Variants in GDPD5 observed in about 807,000 individuals in gnomAD.
The protein encoded by GDPD5 is glycerophosphodiester phosphodiesterase 2.
A neutral mutation model predicts 75.1 loss-of-function variants in GDPD5; 48 were observed. That is an observed-to-expected ratio of 0.64 (90% CI 0.51 to 0.81). The LOEUF (loss-of-function observed/expected upper bound fraction) is 0.81. Among genes scored for constraint, GDPD5 ranks in the 40% least tolerant of loss-of-function variants. The pLI is 0.00. For missense variants in GDPD5, 706 were observed against 822.6 expected, an observed-to-expected ratio of 0.86 and a Z score of 1.73; for synonymous variants, 336 against 339.0, an observed-to-expected ratio of 0.99 and a Z score of 0.10.
chr11:75,493,058 T>C (rs1165496715), intron 1 of GDPD5, among the ~76,000 whole-genome samples: 1 of 152,106 alleles, frequency 6.6e-6, no homozygotes, highest in Admixed American at 6.5e-5. Context: ...AATGAACAAA[T>C]GCACATGAGT....
At chr11:75,483,707 T>C (rs146727725) in intron 2 of GDPD5, among the ~76,000 whole-genome samples, 102 of 152,248 alleles carry the variant, frequency 6.7e-4, no homozygotes, top group African/African-American at 2.3e-3. Context: ...GGCAACAACA[T>C]GAATCTTGAA....
At chr11:75,445,929 T>C (rs1408774403) in intron 9 of GDPD5, among the ~76,000 whole-genome samples, 1 of 152,210 alleles carries the variant, frequency 6.6e-6, no homozygotes, top group African/African-American at 2.4e-5. Context: ...AGGGTCTCAG[T>C]AATGAGTTTC....
At chr11:75,453,083 C>G (rs1004298063) in intron 6 of GDPD5, 1 of 152,204 alleles carries the variant, frequency 6.6e-6, no homozygotes, top group Non-Finnish European at 1.5e-5. Context: ...CCCAAGAACC[C>G]TTCAGCCTGC....
intron 12 of GDPD5, among the ~76,000 whole-genome samples, chr11:75,442,088 G>A (rs1202154865): frequency 6.6e-6 from 1 of 152,208 alleles, no homozygotes; most frequent in African/African-American, 2.4e-5. Flanking sequence ...GTCCTAAACT[G>A]ATGTCAGATT....
intron 1 of GDPD5, among the ~76,000 whole-genome samples, chr11:75,524,885 T>C (rs1941605967): frequency 4.6e-5 from 7 of 152,180 alleles, no homozygotes; most frequent in Admixed American, 3.3e-4. Flanking sequence ...CCTCTCCCGC[T>C]TCCCCAGTCT....
intron 1 of GDPD5, among the ~76,000 whole-genome samples, chr11:75,499,393 CCTTTTTTTTT>C (rs1258323938): frequency 7.1e-6 from 1 of 140,160 alleles, no homozygotes; most frequent in Non-Finnish European, 1.5e-5. Context: ...TTCTTCTTTT[CCTTTTTTTTT>C]TTTTTTTTTT....
Position 75,494,680 on chromosome 11 carries a change from C to T in GDPD5, c.-144-4360G>A, listed in dbSNP as rs561877559. On this transcript the variant is annotated intron_variant, in intron 1 of 16. Coordinates refer to ENST00000336898, the MANE Select transcript of GDPD5 (RefSeq NM_030792.8). Reference sequence around the variant, plus strand: ...GTACATAAAATTTGATGGCCAGATGCGGTGGCTCACGCTTGTAATCCCAGC... The same window carrying T: ...GTACATAAAATTTGATGGCCAGATGTGGTGGCTCACGCTTGTAATCCCAGC... Among the ~76,000 whole-genome samples the T allele has an allele frequency of 4.6e-5, 7 of 151,854 alleles. No homozygotes were observed. The South Asian group carries it at 6.3e-4, about 14-fold the overall frequency.
intron 1 of GDPD5, among the ~76,000 whole-genome samples, chr11:75,496,125 C>T (rs1377963827): frequency 6.6e-6 from 1 of 152,208 alleles, no homozygotes; most frequent in Non-Finnish European, 1.5e-5. Flanking sequence ...GGTCTTCCAA[C>T]CCCAGTTCTT....
intron 1 of GDPD5, among the ~76,000 whole-genome samples, chr11:75,522,095 C>T (rs370914025): frequency 2.6e-5 from 4 of 152,222 alleles, no homozygotes; most frequent in East Asian, 3.9e-4. Flanking sequence ...CCCTACCTCT[C>T]GGCTTACCAC....
At chr11:75,465,003 C>A (rs369030125) in intron 3 of GDPD5, among the ~76,000 whole-genome samples, 70 of 152,282 alleles carry the variant, frequency 4.6e-4, no homozygotes, top group Middle Eastern at 3.4e-3. Context: ...ATCCGTCTTG[C>A]CACCTCAAAT....
In GDPD5 at chr11:75,441,408, C is replaced by T. The variant is rs150724500; in HGVS notation, c.1326-98G>A. ...GCACGTCCTGTTCACGACCTCACAG[C>T]CATGCCCGGGGCAAGGAACATTGGC... is the stretch of plus-strand genomic sequence containing the variant. On this transcript the variant is annotated intron_variant, in intron 13 of 16. Coordinates refer to ENST00000336898, the MANE Select transcript of GDPD5 (RefSeq NM_030792.8). 869 of 1,466,962 alleles carry T rather than the reference C, an allele frequency of 5.9e-4. 9 individuals carry two copies. The African/African-American group carries it at 0.01, about 17-fold the overall frequency. 90.9% of individuals were successfully genotyped at this position (1,466,962 alleles called of 1,614,324 possible).
intron 3 of GDPD5, among the ~76,000 whole-genome samples, chr11:75,468,353 C>T (rs1398326795): frequency 6.6e-6 from 1 of 152,168 alleles, no homozygotes; most frequent in Non-Finnish European, 1.5e-5. Flanking sequence ...ACGAGCTCAC[C>T]CTACTCTACT....
At chr11:75,443,368 C>T (rs1948888097) in intron 10 of GDPD5, 82 bp from the exon 11 acceptor site, 2 of 1,470,502 alleles carry the variant, frequency 1.4e-6, no homozygotes, top group East Asian at 2.4e-5. Context: ...CCACACAGTC[C>T]TCCCCACCCA....
At chr11:75,469,854 ACCCCGTACCAAACTAAATC>A (rs1328194269) in intron 3 of GDPD5, among the ~76,000 whole-genome samples, 1 of 152,106 alleles carries the variant, frequency 6.6e-6, no homozygotes, top group African/African-American at 2.4e-5. Flanking sequence ...CCTGCCTCAC[ACCCCGTACCAAACTAAATC>A]TGTGTCTCTC....
Position 75,435,593 on chromosome 11 carries a change from T to G in GDPD5, c.1732A>C (p.Thr578Pro). The stretch of plus-strand genomic sequence containing the variant: ...GGGGTGGCGGTGCTGTTGGCATATG[T>G]GTCATAACTGTTGTCTGAACATACG... ...LSVCSDNSYD[T>P]YANSTATPVG... The change falls in exon 17 of 17, where the codon ACA (threonine) becomes CCA (proline). Residue 578 changes from threonine (T) to proline (P), a missense_variant. Coordinates refer to ENST00000336898, the MANE Select transcript of GDPD5 (RefSeq NM_030792.8). The G allele has an allele frequency of 6.2e-7, 1 of 1,613,722 alleles. No homozygotes were observed. The highest frequency in any genetic ancestry group is 8.5e-7 in the Non-Finnish European group (1 of 1,179,822).
chr11:75,509,478 G>T (rs913909456), intron 1 of GDPD5, among the ~76,000 whole-genome samples: 7 of 152,220 alleles, frequency 4.6e-5, no homozygotes, highest in African/African-American at 1.7e-4. Context: ...GAAAAGAGGT[G>T]AGTGGCCCAG....
At chr11:75,440,734 T>G (rs2135145685) in intron 14 of GDPD5, among the ~76,000 whole-genome samples, 1 of 152,150 alleles carries the variant, frequency 6.6e-6, no homozygotes, top group South Asian at 2.1e-4. Context: ...TAATTAATTA[T>G]TATTATTTTT....
chr11:75,468,844 C>G (rs945979890), intron 3 of GDPD5, among the ~76,000 whole-genome samples: 1 of 152,224 alleles, frequency 6.6e-6, no homozygotes, highest in African/African-American at 2.4e-5. Context: ...CACCCAGGCC[C>G]TTTTCCCACC....
intron 3 of GDPD5, among the ~76,000 whole-genome samples, chr11:75,467,270 G>A (rs997668897): frequency 6.6e-6 from 1 of 152,202 alleles, no homozygotes; most frequent in African/African-American, 2.4e-5. Flanking sequence ...CCCTTCCCTC[G>A]GAGGGAGGCT....
Sources: gnomAD v4.1 joint callset for allele counts (sites outside exome capture counted in the v4.1 genomes callset) on GRCh38, gnomAD v4.1.1 for gene constraint, MANE v1.5 for transcripts, NCBI Gene and HGNC (gene_info 2026-07-23, HGNC 2026-07-21) for gene names.